Variants in SH3RF3 observed in about 807,000 individuals in gnomAD.
SH3RF3 encodes E3 ubiquitin-protein ligase SH3RF3.
SH3RF3 carries 29 observed loss-of-function variants against 66.3 expected under a neutral mutation model. That is an observed-to-expected ratio of 0.44 (90% CI 0.33 to 0.60). The LOEUF (loss-of-function observed/expected upper bound fraction) is 0.60, where lower values mean the gene tolerates loss of function less well. Ranked by LOEUF, SH3RF3 falls within the 20% of genes least tolerant of loss-of-function variation. SH3RF3 has a pLI of 0.04. For synonymous variants in SH3RF3, 583 were observed against 532.0 expected, an observed-to-expected ratio of 1.10 and a Z score of -1.32; for missense variants, 1,194 against 1,190.9, an observed-to-expected ratio of 1.00 and a Z score of -0.04.
chr2:109,471,846 A>C (rs2104727741), intron 8 of SH3RF3, among the ~76,000 whole-genome samples: 1 of 151,910 alleles, frequency 6.6e-6, no homozygotes, highest in South Asian at 2.1e-4. Flanking sequence ...CTTTTTCCAC[A>C]CTCTATTTGC....
At position 109,207,287 on chromosome 2, in the gene SH3RF3, CTG is replaced by C. The variant is rs141334575; in HGVS notation, c.573+77180_573+77181del. Among the ~76,000 whole-genome samples the C allele has an allele frequency of 8.9e-3, 1,357 of 152,036 alleles. 25 individuals are homozygous for C. Among genetic ancestry groups the C allele is most frequent in the African/African-American group, 0.031 (1,273 of 41,450 alleles). ...GGTGTATGGTAATCATTAGAGTAAG[CTG>C]TGTGTCTGATTAAAGAATTTGTCTC... On this transcript the variant is annotated intron_variant, in intron 1 of 9. Transcript: ENST00000309415.
intron 5 of SH3RF3, among the ~76,000 whole-genome samples, chr2:109,426,963 A>AAT (rs202130954): frequency 2.3e-4 from 26 of 113,524 alleles, no homozygotes; most frequent in African/African-American, 4.7e-4. Flanking sequence ...AGGGCAATAA[A>AAT]ATATATATAT....
intron 5 of SH3RF3, among the ~76,000 whole-genome samples, chr2:109,431,974 AGGTCTCTTCCACCTCT>A (rs1353300720): frequency 6.6e-6 from 1 of 152,224 alleles, no homozygotes; most frequent in Non-Finnish European, 1.5e-5. Flanking sequence ...AGGGCCTCTG[AGGTCTCTTCCACCTCT>A]GGTTGATTGG....
At chr2:109,344,022 G>T (rs79552535) in intron 1 of SH3RF3, among the ~76,000 whole-genome samples, 2,731 of 152,246 alleles carry the variant, frequency 0.018, 84 homozygotes, top group African/African-American at 0.062. Context: ...AAGATAATAG[G>T]CGTGAGCCAC....
intron 1 of SH3RF3, among the ~76,000 whole-genome samples, chr2:109,345,666 A>G (rs1682674582): frequency 6.6e-6 from 1 of 152,224 alleles, no homozygotes. Context: ...CATGTAGCCA[A>G]TAGTGAAAAT....
intron 2 of SH3RF3, among the ~76,000 whole-genome samples, chr2:109,350,576 C>G (rs1309983403): frequency 6.6e-6 from 1 of 152,216 alleles, no homozygotes; most frequent in African/African-American, 2.4e-5. Flanking sequence ...TGTCCTGTTG[C>G]ATCTCTCACT....
chr2:109,316,489 C>T (rs927585052), intron 1 of SH3RF3, among the ~76,000 whole-genome samples: 48 of 152,196 alleles, frequency 3.2e-4, no homozygotes, highest in Non-Finnish European at 5.9e-4. Flanking sequence ...TAGCCCATGA[C>T]ATGGAGAGAA....
chr2:109,236,268 G>A (rs72952055), intron 1 of SH3RF3, among the ~76,000 whole-genome samples: 71 of 152,182 alleles, frequency 4.7e-4, no homozygotes, highest in African/African-American at 1.7e-3. Flanking sequence ...AATTCCCCTC[G>A]GTCCTAAAGT....
chr2:109,233,329 G>A (rs1351536635), intron 1 of SH3RF3, among the ~76,000 whole-genome samples: 1 of 152,174 alleles, frequency 6.6e-6, no homozygotes, highest in Non-Finnish European at 1.5e-5. Context: ...CCTGGAAAGG[G>A]GAGAGAGTGG....
chr2:109,473,714 G>GCCAC (rs1189054468), intron 8 of SH3RF3, among the ~76,000 whole-genome samples: 1 of 148,010 alleles, frequency 6.8e-6, no homozygotes, highest in African/African-American at 2.5e-5. Flanking sequence ...AGCTCACTCA[G>GCCAC]CCACCCACCC....
At chr2:109,212,497 G>A (rs1340120490) in intron 1 of SH3RF3, among the ~76,000 whole-genome samples, 2 of 152,184 alleles carry the variant, frequency 1.3e-5, no homozygotes, top group African/African-American at 4.8e-5. Context: ...GAGGCTTTCC[G>A]ACAGCTCCAG....
chr2:109,292,406 A>G (rs371010246), intron 1 of SH3RF3, among the ~76,000 whole-genome samples: 7 of 152,180 alleles, frequency 4.6e-5, no homozygotes, highest in African/African-American at 1.7e-4. Flanking sequence ...ACTTAATGCT[A>G]TGTTTAATTG....
chr2:109,307,430 T>TA (rs892640648), intron 1 of SH3RF3, among the ~76,000 whole-genome samples: 13 of 132,290 alleles, frequency 9.8e-5, no homozygotes, highest in African/African-American at 3.9e-4. Context: ...ACTTTTTTTT[T>TA]TTATTATTAT....
chr2:109,387,115 A>C (rs1396447981), intron 3 of SH3RF3, among the ~76,000 whole-genome samples: 1 of 152,228 alleles, frequency 6.6e-6, no homozygotes, highest in Non-Finnish European at 1.5e-5. Context: ...CGTTGTTAGC[A>C]TATTGTTCTG....
At chr2:109,404,949 GCCC>G (rs763850088) in intron 4 of SH3RF3, among the ~76,000 whole-genome samples, 2 of 151,910 alleles carry the variant, frequency 1.3e-5, no homozygotes, top group Non-Finnish European at 2.9e-5. Flanking sequence ...TTCCAGTGGA[GCCC>G]CGTCCTGGCC....
chr2:109,381,498 A>G (rs1675668565), intron 3 of SH3RF3, among the ~76,000 whole-genome samples: 1 of 151,904 alleles, frequency 6.6e-6, no homozygotes, highest in Admixed American at 6.6e-5. Context: ...TGGGCCATCC[A>G]CGTCCACCTG....
intron 3 of SH3RF3, among the ~76,000 whole-genome samples, chr2:109,373,942 A>G (rs888860497): frequency 6.6e-6 from 1 of 151,804 alleles, no homozygotes; most frequent in African/African-American, 2.4e-5. Context: ...GACCCAGTCC[A>G]GCAGGCTCTC....
intron 1 of SH3RF3, among the ~76,000 whole-genome samples, chr2:109,323,025 C>T (rs1362478053): frequency 6.6e-6 from 1 of 152,146 alleles, no homozygotes; most frequent in African/African-American, 2.4e-5. Flanking sequence ...TTTCTTATAC[C>T]CCTAGGTGGT....
chr2:109,427,630 G>C (rs1298487177), intron 5 of SH3RF3, among the ~76,000 whole-genome samples: 1 of 152,234 alleles, frequency 6.6e-6, no homozygotes, highest in Non-Finnish European at 1.5e-5. Flanking sequence ...TGTCAAAGGT[G>C]CTCAGTTGGG....
Sources: gnomAD v4.1 joint callset for allele counts (sites outside exome capture counted in the v4.1 genomes callset) on GRCh38, gnomAD v4.1.1 for gene constraint, MANE v1.5 for transcripts, NCBI Gene and HGNC (gene_info 2026-07-23, HGNC 2026-07-21) for gene names.